AMOTL1: variants seen among roughly 807,000 people sequenced by gnomAD.
AMOTL1 encodes the protein angiomotin-like protein 1.
In AMOTL1, 45 loss-of-function variants were observed where a neutral mutation model predicts 102.9. The ratio of observed to expected loss-of-function variants is 0.44; its 90% CI spans 0.34 to 0.56. AMOTL1 has a LOEUF of 0.56. Ranked by LOEUF, AMOTL1 falls within the 20% of genes least tolerant of loss-of-function variation. The pLI is 0.01. For missense variants in AMOTL1, 1,114 were observed against 1,225.6 expected (o/e 0.91, Z 1.36); for synonymous variants, 481 against 484.7 (o/e 0.99, Z 0.10).
At chr11:94,810,686 A>C (rs1433616421) in intron 3 of AMOTL1, among the ~76,000 whole-genome samples, 1 of 151,996 alleles carries the variant, frequency 6.6e-6, no homozygotes, top group Non-Finnish European at 1.5e-5. Flanking sequence ...ATTAGAAACT[A>C]TTTCAGGTCC....
intron 6 of AMOTL1, among the ~76,000 whole-genome samples, chr11:94,831,836 A>G (rs1322303107): frequency 6.6e-6 from 1 of 152,120 alleles, no homozygotes; most frequent in African/African-American, 2.4e-5. Flanking sequence ...GGCACTCACT[A>G]CTTCAGATAA....
chr11:94,861,755 C>G (rs77002459), intron 9 of AMOTL1, among the ~76,000 whole-genome samples: 3,717 of 152,260 alleles, frequency 0.024, 79 homozygotes, highest in African/African-American at 0.052. Context: ...TTCCACGTGT[C>G]ATTGTTGTTT....
At chr11:94,850,515 G>T (rs1158805191) in intron 7 of AMOTL1, among the ~76,000 whole-genome samples, 1 of 152,234 alleles carries the variant, frequency 6.6e-6, no homozygotes, top group Non-Finnish European at 1.5e-5. Flanking sequence ...CCAGCCTACA[G>T]CCCATCGGTT....
intron 1 of AMOTL1, among the ~76,000 whole-genome samples, chr11:94,793,331 GTTTAGTT>G (rs1951316991): frequency 1.3e-5 from 2 of 152,274 alleles, no homozygotes; most frequent in South Asian, 4.1e-4. Flanking sequence ...GTGTTTTGGG[GTTTAGTT>G]TTTCTGTTGC....
At position 94,813,831 on chromosome 11, in the gene AMOTL1, A is replaced by T. The variant is rs185252599; in HGVS notation, c.1122-7699A>T. 3.1e-4 allele frequency among the ~76,000 whole-genome samples: 47 copies of T among 152,298 alleles called. No homozygotes were observed. The East Asian group carries it at 8.5e-3, about 27-fold the overall frequency. On this transcript the variant is annotated intron_variant, in intron 3 of 12. Transcript: ENST00000433060. ...TCAGTGCTTCCTGCAGGCTGGCTAAATCCTACAATAATACATTTTTCAGGG... is the reference window on the plus strand; with the variant it reads ...TCAGTGCTTCCTGCAGGCTGGCTAATTCCTACAATAATACATTTTTCAGGG...
At chr11:94,818,876 A>G (rs1951812694) in intron 3 of AMOTL1, among the ~76,000 whole-genome samples, 1 of 152,232 alleles carries the variant, frequency 6.6e-6, no homozygotes, top group South Asian at 2.1e-4. Context: ...AACTTAAGCT[A>G]CAGAAGAAAA....
At chr11:94,706,819 T>C (rs1363701192) in intron 1 of AMOTL1, among the ~76,000 whole-genome samples, 1 of 152,100 alleles carries the variant, frequency 6.6e-6, no homozygotes, top group Admixed American at 6.6e-5. Flanking sequence ...TCACAGTGGG[T>C]GTAGGAATCT....
chr11:94,796,917 GT>G, intron 2 of AMOTL1: 1 of 731,532 alleles, frequency 1.4e-6, no homozygotes, highest in South Asian at 6.2e-5. Flanking sequence ...TATATATCTT[GT>G]ATATAAGCAT....
chr11:94,729,105 C>T (rs1368092241), intron 2 of AMOTL1: 2 of 1,225,888 alleles, frequency 1.6e-6, no homozygotes, highest in African/African-American at 3.1e-5. Context: ...TCAGCTTCTG[C>T]ACCTCATTAT....
At chr11:94,803,348 C>T (rs1391842306) in intron 3 of AMOTL1, among the ~76,000 whole-genome samples, 1 of 152,176 alleles carries the variant, frequency 6.6e-6, no homozygotes, top group Non-Finnish European at 1.5e-5. Context: ...TGGGAACCCT[C>T]TGGGAGATGA....
intron 3 of AMOTL1, among the ~76,000 whole-genome samples, chr11:94,761,483 C>T (rs953671595): frequency 5.5e-5 from 8 of 144,488 alleles, no homozygotes; most frequent in African/African-American, 2.3e-4. Context: ...GCGACTGCGC[C>T]TGGCCCAGGA....
intron 7 of AMOTL1, among the ~76,000 whole-genome samples, chr11:94,851,952 A>G (rs1952548508): frequency 1.3e-5 from 2 of 152,244 alleles, no homozygotes; most frequent in Non-Finnish European, 2.9e-5. Context: ...TTGGGTGCCT[A>G]CTAAATGCTG....
At chr11:94,714,240 G>C (rs1407538444) in intron 1 of AMOTL1, among the ~76,000 whole-genome samples, 1 of 151,934 alleles carries the variant, frequency 6.6e-6, no homozygotes. Context: ...AATCTCATTT[G>C]GTCATGGCTT....
At chr11:94,803,271 T>C (rs1951510339) in intron 3 of AMOTL1, among the ~76,000 whole-genome samples, 1 of 152,256 alleles carries the variant, frequency 6.6e-6, no homozygotes, top group African/African-American at 2.4e-5. Flanking sequence ...TTCTCTCACC[T>C]GCTCTGATGC....
intron 3 of AMOTL1, among the ~76,000 whole-genome samples, chr11:94,753,427 GAT>G (rs956680980): frequency 6.7e-5 from 10 of 148,234 alleles, no homozygotes; most frequent in Admixed American, 4.1e-4. Flanking sequence ...ATTGAAAAAA[GAT>G]AGAAAAAGAA....
At chr11:94,858,667 G>A (rs1463060351) in intron 8 of AMOTL1, among the ~76,000 whole-genome samples, 1 of 152,184 alleles carries the variant, frequency 6.6e-6, no homozygotes, top group Non-Finnish European at 1.5e-5. Context: ...GTACTAAGGA[G>A]CCTGGTCCAC....
chr11:94,815,984 G>A (rs1160478475), intron 3 of AMOTL1, among the ~76,000 whole-genome samples: 2 of 152,018 alleles, frequency 1.3e-5, no homozygotes, highest in Non-Finnish European at 2.9e-5. Context: ...TAATGAAAGA[G>A]AAATTATTTA....
At chr11:94,784,557 A>G (rs1433855480) in intron 1 of AMOTL1, among the ~76,000 whole-genome samples, 1 of 152,226 alleles carries the variant, frequency 6.6e-6, no homozygotes, top group Admixed American at 6.5e-5. Context: ...TATTCTTCAC[A>G]TTACTAAAGG....
At chr11:94,858,476 GCTCTGGGTAATT>G (rs1298796660) in intron 8 of AMOTL1, among the ~76,000 whole-genome samples, 3 of 152,198 alleles carry the variant, frequency 2.0e-5, no homozygotes, top group African/African-American at 7.2e-5. Context: ...CCCAGCTGTT[GCTCTGGGTAATT>G]CCCCAGTCCT....
Sources: gnomAD v4.1 joint callset for allele counts (sites outside exome capture counted in the v4.1 genomes callset) on GRCh38, gnomAD v4.1.1 for gene constraint, MANE v1.5 for transcripts, NCBI Gene and HGNC (gene_info 2026-07-23, HGNC 2026-07-21) for gene names.